The following PTPRD variants were observed in gnomAD, a reference collection of about 807,000 sequenced individuals.
The protein encoded by PTPRD is protein tyrosine phosphatase receptor type D.
PTPRD carries 34 observed loss-of-function variants against 214.5 expected under a neutral mutation model. The observed-to-expected ratio is 0.16, with a 90% confidence interval of 0.12 to 0.21. The LOEUF is 0.21. PTPRD is among the 10% of genes least tolerant of loss of function. PTPRD has a pLI of 1.00. For synonymous variants in PTPRD, 1,128 were observed against 845.7 expected, an observed-to-expected ratio of 1.33 and a Z score of -5.79; for missense variants, 2,545 against 2,398.7, an observed-to-expected ratio of 1.06 and a Z score of -1.27.
chr9:9,387,668 A>G (rs976943412), intron 9 of PTPRD, among the ~76,000 whole-genome samples: 1 of 152,026 alleles, frequency 6.6e-6, no homozygotes, highest in Admixed American at 6.6e-5. Context: ...GTGATAGTAC[A>G]TGCTATTATT....
chr9:8,703,910 C>T (rs1240222716), intron 12 of PTPRD, among the ~76,000 whole-genome samples: 1 of 152,186 alleles, frequency 6.6e-6, no homozygotes, highest in Non-Finnish European at 1.5e-5. Flanking sequence ...CAACTCTACC[C>T]TCCTCCGAGT....
At chr9:8,695,770 G>T (rs1172877480) in intron 12 of PTPRD, among the ~76,000 whole-genome samples, 1 of 152,080 alleles carries the variant, frequency 6.6e-6, no homozygotes, top group East Asian at 1.9e-4. Context: ...ATTTCCTAGG[G>T]ATGCTCCCTA....
At chr9:9,867,211 A>T (rs2064196476) in intron 5 of PTPRD, among the ~76,000 whole-genome samples, 1 of 152,108 alleles carries the variant, frequency 6.6e-6, no homozygotes, top group South Asian at 2.1e-4. Context: ...TGATAAGTTG[A>T]ATTACTTGTT....
intron 2 of PTPRD, among the ~76,000 whole-genome samples, chr9:10,535,625 A>G (rs551006495): frequency 3.3e-5 from 5 of 152,308 alleles, no homozygotes; most frequent in African/African-American, 1.2e-4. Flanking sequence ...TCAATAAATA[A>G]AGCCACAAGG....
At chr9:9,801,132 T>G (rs1393583940) in intron 5 of PTPRD, among the ~76,000 whole-genome samples, 33 of 152,136 alleles carry the variant, frequency 2.2e-4, no homozygotes, top group Admixed American at 1.9e-3. Context: ...ATTAGGCACT[T>G]CCATCATGTA....
chr9:8,717,839 G>A (rs182441210), intron 12 of PTPRD, among the ~76,000 whole-genome samples: 8 of 152,174 alleles, frequency 5.3e-5, no homozygotes, highest in East Asian at 1.9e-4. Flanking sequence ...CTCTGTCTCC[G>A]GCACACCTAT....
At chr9:10,024,996 T>G (rs1249547246) in intron 4 of PTPRD, among the ~76,000 whole-genome samples, 1 of 151,926 alleles carries the variant, frequency 6.6e-6, no homozygotes, top group Non-Finnish European at 1.5e-5. Context: ...TTCCATGGTG[T>G]ATATGTGCCA....
intron 9 of PTPRD, among the ~76,000 whole-genome samples, chr9:9,196,924 T>C (rs1334118686): frequency 2.0e-5 from 3 of 152,154 alleles, no homozygotes; most frequent in South Asian, 2.1e-4. Flanking sequence ...TTTCATGGAA[T>C]ATCAATATCA....
At chr9:9,460,848 T>C (rs1357950496) in intron 8 of PTPRD, among the ~76,000 whole-genome samples, 2 of 152,060 alleles carry the variant, frequency 1.3e-5, no homozygotes, top group African/African-American at 4.8e-5. Flanking sequence ...AAATAAATGA[T>C]TTTATCAAAA....
chr9:10,302,676 C>A (rs1303575508), intron 3 of PTPRD, among the ~76,000 whole-genome samples: 2 of 152,186 alleles, frequency 1.3e-5, no homozygotes, highest in Admixed American at 6.5e-5. Context: ...AAGGGCATTA[C>A]ATAATGGTAA....
intron 12 of PTPRD, among the ~76,000 whole-genome samples, chr9:8,698,405 G>T (rs972673964): frequency 2.6e-5 from 4 of 152,190 alleles, no homozygotes; most frequent in African/African-American, 4.8e-5. Context: ...ATGTTCTTGA[G>T]AAAGGATTAC....
At chr9:9,511,446 G>C (rs2096706621) in intron 8 of PTPRD, among the ~76,000 whole-genome samples, 1 of 151,634 alleles carries the variant, frequency 6.6e-6, no homozygotes, top group Non-Finnish European at 1.5e-5. Flanking sequence ...TGTTATCCAT[G>C]TAATAAATAT....
chr9:9,248,446 C>A (rs1305052448), intron 9 of PTPRD, among the ~76,000 whole-genome samples: 1 of 151,948 alleles, frequency 6.6e-6, no homozygotes, highest in African/African-American at 2.4e-5. Context: ...TTGTAATTAT[C>A]TTGGTAACAA....
intron 2 of PTPRD, among the ~76,000 whole-genome samples, chr9:10,449,381 G>A (rs1230249333): frequency 2.6e-5 from 4 of 151,824 alleles, no homozygotes; most frequent in Non-Finnish European, 4.4e-5. Flanking sequence ...CGTGATCTCC[G>A]CTCGCTACAA....
intron 11 of PTPRD, among the ~76,000 whole-genome samples, chr9:8,773,390 C>T (rs1314699148): frequency 1.3e-5 from 2 of 152,124 alleles, no homozygotes; most frequent in East Asian, 1.9e-4. Flanking sequence ...TCTGTTTAAA[C>T]CCTAGAAACT....
chr9:8,642,950 G>C (rs915821149), intron 12 of PTPRD, among the ~76,000 whole-genome samples: 3 of 152,074 alleles, frequency 2.0e-5, no homozygotes, highest in Admixed American at 6.5e-5. Flanking sequence ...CAAAAGCATG[G>C]CACAGATACC....
intron 4 of PTPRD, among the ~76,000 whole-genome samples, chr9:9,946,985 T>C (rs1397931465): frequency 1.3e-5 from 2 of 151,824 alleles, no homozygotes; most frequent in East Asian, 1.9e-4. Context: ...TTGGAAGCCA[T>C]GCATAGAGTT....
At chr9:8,456,422 T>C (rs926299488) in intron 33 of PTPRD, among the ~76,000 whole-genome samples, 5 of 152,044 alleles carry the variant, frequency 3.3e-5, no homozygotes, top group Admixed American at 1.3e-4. Context: ...AAGGATGAGT[T>C]GGAGTTATCC....
intron 8 of PTPRD, among the ~76,000 whole-genome samples, chr9:9,476,406 G>C (rs1569568667): frequency 6.6e-6 from 1 of 152,162 alleles, no homozygotes; most frequent in Non-Finnish European, 1.5e-5. Flanking sequence ...TAAACAAACA[G>C]GATAATTGAG....
Sources: gnomAD v4.1 joint callset for allele counts (sites outside exome capture counted in the v4.1 genomes callset) on GRCh38, gnomAD v4.1.1 for gene constraint, MANE v1.5 for transcripts, NCBI Gene and HGNC (gene_info 2026-07-23, HGNC 2026-07-21) for gene names.